Variants in TNFAIP8 observed in about 807,000 individuals in gnomAD.
TNFAIP8 encodes the protein tumor necrosis factor alpha-induced protein 8.
TNFAIP8 carries 7 observed loss-of-function variants against 13.3 expected under a neutral mutation model. The observed-to-expected ratio is 0.52, with a 90% CI of 0.30 to 0.99. The LOEUF is 0.99. TNFAIP8 is among the 50% of genes least tolerant of loss of function. The probability of loss-of-function intolerance (pLI) is 0.07; values close to 1 mark genes in which losing one functional copy is unlikely to be tolerated. For missense variants in TNFAIP8, 258 were observed against 236.9 expected, an observed-to-expected ratio of 1.09 and a Z score of -0.58; for synonymous variants, 94 against 87.6, an observed-to-expected ratio of 1.07 and a Z score of -0.41.
chr5:119,381,929 A>T (rs954709722), intron 1 of TNFAIP8, among the ~76,000 whole-genome samples: 1 of 152,106 alleles, frequency 6.6e-6, no homozygotes, highest in Admixed American at 6.5e-5. Flanking sequence ...CTCAAAAAAA[A>T]TAAAAAAAAA....
chr5:119,281,780 AGT>A (rs1748638758), intron 1 of TNFAIP8, among the ~76,000 whole-genome samples: 1 of 152,196 alleles, frequency 6.6e-6, no homozygotes, highest in Non-Finnish European at 1.5e-5. Flanking sequence ...TCCTCATATC[AGT>A]GTCTCTAGAC....
chr5:119,392,687 G>C (rs1752936737), intron 1 of TNFAIP8, 129 bp from the exon 2 acceptor site: 2 of 1,097,480 alleles, frequency 1.8e-6, no homozygotes, highest in East Asian at 2.6e-5. Flanking sequence ...AATGTCGGTA[G>C]ATGTAAGACA....
At chr5:119,331,157 C>T (rs971717376) in intron 1 of TNFAIP8, among the ~76,000 whole-genome samples, 1 of 152,090 alleles carries the variant, frequency 6.6e-6, no homozygotes, top group African/African-American at 2.4e-5. Flanking sequence ...CCTGAACCTA[C>T]CTAGAGTGTC....
intron 1 of TNFAIP8, among the ~76,000 whole-genome samples, chr5:119,375,416 T>C (rs999832343): frequency 6.6e-6 from 1 of 152,224 alleles, no homozygotes; most frequent in African/African-American, 2.4e-5. Flanking sequence ...CTCAAGTATT[T>C]TAGAGAAGAA....
At chr5:119,326,729 G>T (rs1189527737) in intron 1 of TNFAIP8, among the ~76,000 whole-genome samples, 7 of 152,186 alleles carry the variant, frequency 4.6e-5, no homozygotes, top group African/African-American at 1.4e-4. Context: ...GCCTGAAGGA[G>T]GTTGGGGTGA....
At position 119,394,118 on chromosome 5, in the gene TNFAIP8, TTAAAAAG is replaced by T. The variant is rs1235682343; in HGVS notation, c.*739_*745del. The stretch of plus-strand genomic sequence containing the variant: ...TGCTTAGGGCTTCTTTTATGTTATC[TTAAAAAG>T]TGCTGGTGAATTTTCCATTTTTTAC... On this transcript the variant is annotated 3_prime_UTR_variant, in exon 2 of 2. Transcript: ENST00000504771. 1 of 152,212 alleles carries T rather than the reference TTAAAAAG, an allele frequency of 6.6e-6. No individual in the cohort carries two copies. Among genetic ancestry groups the T allele is most frequent in the African/African-American group, 2.4e-5 (1 of 41,460 alleles). The allele number at this position is 152,212 out of a possible 1,614,324, so 9.4% of individuals were successfully genotyped here. A position where few individuals can be genotyped will look rare whatever the true frequency, so the allele number is the denominator to read the frequency against.
At chr5:119,300,525 G>T (rs1303469052) in intron 1 of TNFAIP8, among the ~76,000 whole-genome samples, 3 of 152,188 alleles carry the variant, frequency 2.0e-5, no homozygotes, top group African/African-American at 4.8e-5. Context: ...TCCTGACTCA[G>T]TCTATTATCA....
At chr5:119,336,518 GACTTCTTAT>G (rs112922905) in intron 1 of TNFAIP8, among the ~76,000 whole-genome samples, 15,894 of 152,118 alleles carry the variant, frequency 0.1, 1,029 homozygotes, top group African/African-American at 0.2. Context: ...GAAAGCCTTA[GACTTCTTAT>G]ACTTCTTATT....
At chr5:119,286,528 A>G (rs1197698441) in intron 1 of TNFAIP8, among the ~76,000 whole-genome samples, 1 of 151,864 alleles carries the variant, frequency 6.6e-6, no homozygotes, top group African/African-American at 2.4e-5. Context: ...AGGCTGAGGC[A>G]GGAGAATGGC....
chr5:119,391,020 G>A (rs1193082416), intron 1 of TNFAIP8, among the ~76,000 whole-genome samples: 1 of 144,032 alleles, frequency 6.9e-6, no homozygotes, highest in Non-Finnish European at 1.5e-5. Context: ...TTGTTGCAAT[G>A]GGGTTTTGCT....
rs1383051821 is a variant in TNFAIP8, at chr5:119,356,165, G to A, written c.31+44G>A. On this transcript the variant is annotated intron_variant, in intron 1 of 1. Coordinates refer to ENST00000504771, the MANE Select transcript of TNFAIP8 (RefSeq NM_014350.4). ...CTGGGGGCCGGCCAAGTTCTGCGGAGGAATTTGGAGGAAGGCAGTGGTAGA... is the reference window on the plus strand; with the variant it reads ...CTGGGGGCCGGCCAAGTTCTGCGGAAGAATTTGGAGGAAGGCAGTGGTAGA... 4.0e-6 allele frequency: 6 copies of A among 1,510,770 alleles called. No individual in the cohort carries two copies. The Admixed American group carries it at 5.8e-5, about 15-fold the overall frequency. 93.6% of individuals were successfully genotyped at this position (1,510,770 alleles called of 1,614,324 possible). A position where few individuals can be genotyped will look rare whatever the true frequency, so the allele number is the denominator to read the frequency against.
upstream of TNFAIP8, chr5:119,354,479 A>C (rs1225471637): frequency 6.6e-6 from 1 of 152,160 alleles, no homozygotes; most frequent in Non-Finnish European, 1.5e-5. Flanking sequence ...AATAGCCTTC[A>C]CTGCTTGTGA....
chr5:119,352,101 T>C (rs1751190131), upstream of TNFAIP8, among the ~76,000 whole-genome samples: 1 of 152,296 alleles, frequency 6.6e-6, no homozygotes, highest in African/African-American at 2.4e-5. Flanking sequence ...AATACCATTT[T>C]CTTAAGGCTA....
intron 1 of TNFAIP8, among the ~76,000 whole-genome samples, chr5:119,377,472 T>G (rs939348411): frequency 6.6e-6 from 1 of 152,166 alleles, no homozygotes; most frequent in South Asian, 2.1e-4. Flanking sequence ...GGAAAGTTTT[T>G]CTGCCATAAG....
At chr5:119,301,353 T>C (rs534251053) in intron 1 of TNFAIP8, among the ~76,000 whole-genome samples, 1 of 152,208 alleles carries the variant, frequency 6.6e-6, no homozygotes, top group South Asian at 2.1e-4. Context: ...TGACTATAAT[T>C]CCCTTGTCCG....
At chr5:119,294,965 C>T (rs1360878771) in intron 1 of TNFAIP8, among the ~76,000 whole-genome samples, 32 of 151,700 alleles carry the variant, frequency 2.1e-4, no homozygotes, top group Non-Finnish European at 3.4e-4. Context: ...GAGTAGGTTG[C>T]GAAAATTTTC....
At chr5:119,338,077 C>T (rs1478819158) in intron 1 of TNFAIP8, among the ~76,000 whole-genome samples, 1 of 151,972 alleles carries the variant, frequency 6.6e-6, no homozygotes, top group Non-Finnish European at 1.5e-5. Flanking sequence ...GAGCTCCTCA[C>T]CACACCTTCA....
At chr5:119,343,059 G>C (rs928785651) in intron 1 of TNFAIP8, among the ~76,000 whole-genome samples, 4 of 152,192 alleles carry the variant, frequency 2.6e-5, no homozygotes, top group African/African-American at 9.7e-5. Context: ...TGTCTTGCTT[G>C]CCCTGGAAAT....
chr5:119,346,157 C>G (rs1237799934), intron 1 of TNFAIP8, among the ~76,000 whole-genome samples: 1 of 152,154 alleles, frequency 6.6e-6, no homozygotes, highest in Non-Finnish European at 1.5e-5. Flanking sequence ...TGCTAGAAAT[C>G]TACCCTCTAA....
Sources: allele counts gnomAD v4.1 joint callset (sites outside exome capture counted in the v4.1 genomes callset), GRCh38; gene constraint gnomAD v4.1.1; transcripts MANE v1.5; gene names NCBI Gene and HGNC (gene_info 2026-07-23, HGNC 2026-07-21).